RALYL: variants seen among roughly 807,000 people sequenced by gnomAD.
RALYL encodes RNA-binding Raly-like protein.
In RALYL, 29 loss-of-function variants were observed where a neutral mutation model predicts 35.1. The observed-to-expected ratio is 0.83, with a 90% CI of 0.61 to 1.13. The LOEUF is 1.13. Among genes scored for constraint, RALYL ranks in the 50% most tolerant of loss-of-function variants. The pLI, the probability that RALYL is intolerant of heterozygous loss-of-function variation, is 0.00. For synonymous variants in RALYL, 120 were observed against 127.6 expected, an observed-to-expected ratio of 0.94 and a Z score of 0.40; for missense variants, 359 against 360.4, an observed-to-expected ratio of 1.00 and a Z score of 0.03.
At chr8:84,301,890 T>A (rs1299255686) in intron 1 of RALYL, among the ~76,000 whole-genome samples, 1 of 152,184 alleles carries the variant, frequency 6.6e-6, no homozygotes, top group Non-Finnish European at 1.5e-5. Context: ...CTAATGAGCA[T>A]CCTTTCTACC....
At chr8:84,462,320 A>G (rs775418225) in intron 1 of RALYL, among the ~76,000 whole-genome samples, 2 of 151,392 alleles carry the variant, frequency 1.3e-5, no homozygotes, top group Non-Finnish European at 3.0e-5. Context: ...AAAGGTTCTC[A>G]ATATGTTTTG....
intron 1 of RALYL, among the ~76,000 whole-genome samples, chr8:84,437,258 G>A (rs181599623): frequency 1.3e-5 from 2 of 152,150 alleles, no homozygotes; most frequent in Admixed American, 6.5e-5. Context: ...TTTTCTTCAT[G>A]CAATCCACCA....
intron 3 of RALYL, among the ~76,000 whole-genome samples, chr8:84,794,848 G>A (rs1821554228): frequency 6.6e-6 from 1 of 152,114 alleles, no homozygotes; most frequent in South Asian, 2.1e-4. Context: ...CCTCCCTGTA[G>A]AATTATGAAA....
At chr8:84,749,408 C>T (rs1809418633) in intron 2 of RALYL, among the ~76,000 whole-genome samples, 1 of 152,098 alleles carries the variant, frequency 6.6e-6, no homozygotes, top group Non-Finnish European at 1.5e-5. Context: ...GTCTAGTATT[C>T]ATTTGTTTCA....
intron 2 of RALYL, among the ~76,000 whole-genome samples, chr8:84,537,376 G>A (rs1415682732): frequency 6.6e-6 from 1 of 151,464 alleles, no homozygotes; most frequent in Admixed American, 6.6e-5. Flanking sequence ...AAGCTGAGGT[G>A]GGAGAATCAC....
intron 2 of RALYL, among the ~76,000 whole-genome samples, chr8:84,634,047 CTG>C (rs752309089): frequency 2.6e-5 from 4 of 151,874 alleles, no homozygotes; most frequent in African/African-American, 4.8e-5. Context: ...AATGTCATAA[CTG>C]TACTTATAAA....
chr8:84,314,946 A>G (rs192589755), intron 1 of RALYL, among the ~76,000 whole-genome samples: 1 of 152,328 alleles, frequency 6.6e-6, no homozygotes, highest in East Asian at 1.9e-4. Flanking sequence ...ATAACCTCAA[A>G]GTCACTCTTT....
chr8:84,703,891 T>C (rs1482004227), intron 2 of RALYL, among the ~76,000 whole-genome samples: 1 of 152,176 alleles, frequency 6.6e-6, no homozygotes, highest in African/African-American at 2.4e-5. Flanking sequence ...GAATTTAAAA[T>C]ACATCATTAG....
At chr8:84,880,896 C>T (rs1842068799) in intron 7 of RALYL, among the ~76,000 whole-genome samples, 1 of 151,926 alleles carries the variant, frequency 6.6e-6, no homozygotes, top group South Asian at 2.1e-4. Flanking sequence ...AAACTAGGTT[C>T]ACATCCCACT....
At chr8:84,424,608 TGGA>T (rs1167016490) in intron 1 of RALYL, among the ~76,000 whole-genome samples, 1 of 151,550 alleles carries the variant, frequency 6.6e-6, no homozygotes, top group East Asian at 1.9e-4. Context: ...TGCGTTCCTT[TGGA>T]GGAGGAGAGA....
At chr8:84,342,574 G>A (rs79392452) in intron 1 of RALYL, among the ~76,000 whole-genome samples, 6,872 of 151,720 alleles carry the variant, frequency 0.045, 250 homozygotes, top group Non-Finnish European at 0.06. Context: ...GATAAGCCAA[G>A]CATTTCTATA....
chr8:84,826,902 C>A (rs920660987), intron 4 of RALYL, among the ~76,000 whole-genome samples: 5 of 151,656 alleles, frequency 3.3e-5, no homozygotes, highest in Non-Finnish European at 7.4e-5. Context: ...GAAGAAAATC[C>A]CAGAGAAAAT....
At chr8:84,202,661 C>T (rs886843031) in intron 1 of RALYL, among the ~76,000 whole-genome samples, 1 of 152,136 alleles carries the variant, frequency 6.6e-6, no homozygotes, top group East Asian at 1.9e-4. Flanking sequence ...CGTGAGCCAC[C>T]GTGCCCAGCC....
chr8:84,523,598 C>T (rs1237675044), intron 1 of RALYL, among the ~76,000 whole-genome samples: 1 of 151,268 alleles, frequency 6.6e-6, no homozygotes, highest in Non-Finnish European at 1.5e-5. Flanking sequence ...ATGTGCCATG[C>T]TGGTGTGCTG....
chr8:84,912,651 A>C (rs1158615698), intron 8 of RALYL, among the ~76,000 whole-genome samples: 2 of 152,052 alleles, frequency 1.3e-5, no homozygotes, highest in South Asian at 4.1e-4. Flanking sequence ...GCTAATCAAA[A>C]TAGTTCCCAG....
intron 2 of RALYL, among the ~76,000 whole-genome samples, chr8:84,552,360 T>A (rs2970010): frequency 4.1e-3 from 126 of 30,404 alleles, no homozygotes; most frequent in East Asian, 8.4e-3. Context: ...ATATATATAT[T>A]TTTTTTTTTT....
At chr8:84,375,527 C>A (rs1348185618) in intron 1 of RALYL, among the ~76,000 whole-genome samples, 1 of 151,660 alleles carries the variant, frequency 6.6e-6, no homozygotes, top group African/African-American at 2.4e-5. Flanking sequence ...AGTTAAAGAA[C>A]AAAAGCTATT....
chr8:84,755,098 T>C (rs966145577), intron 2 of RALYL, among the ~76,000 whole-genome samples: 30 of 152,138 alleles, frequency 2.0e-4, no homozygotes, highest in Admixed American at 8.5e-4. Context: ...ACTGTCAAGA[T>C]GACTCAGGAA....
chr8:84,859,734 CAGCTACTTGGG>C (rs1837750941), intron 5 of RALYL, among the ~76,000 whole-genome samples: 1 of 152,038 alleles, frequency 6.6e-6, no homozygotes. Context: ...GCAGTAGTCC[CAGCTACTTGGG>C]AGGCTGAGGT....
Sources: allele counts gnomAD v4.1 joint callset (sites outside exome capture counted in the v4.1 genomes callset), GRCh38; gene constraint gnomAD v4.1.1; transcripts MANE v1.5; gene names NCBI Gene and HGNC (gene_info 2026-07-23, HGNC 2026-07-21).